The following CEP128 variants were observed in gnomAD, a reference collection of about 807,000 sequenced individuals.
CEP128 encodes the protein centrosomal protein 128kDa.
A neutral mutation model predicts 156.7 loss-of-function variants in CEP128; 132 were observed. The observed-to-expected ratio is 0.84, with a 90% CI of 0.73 to 0.97. The LOEUF (loss-of-function observed/expected upper bound fraction) is 0.97, where lower values mean the gene tolerates loss of function less well. Ranked by LOEUF, CEP128 falls within the 50% of genes least tolerant of loss-of-function variation. The pLI is 0.00. For synonymous variants in CEP128, 469 were observed against 448.9 expected (o/e 1.04, Z -0.57); for missense variants, 1,252 against 1,281.9 (o/e 0.98, Z 0.36).
intron 13 of CEP128, among the ~76,000 whole-genome samples, chr14:80,797,360 G>T (rs895077524): frequency 5.3e-5 from 8 of 152,186 alleles, no homozygotes; most frequent in Non-Finnish European, 8.8e-5. Flanking sequence ...GTATGTGAGT[G>T]TAAATGAACA....
At chr14:80,599,527 A>G (rs1892494379) in intron 19 of CEP128, among the ~76,000 whole-genome samples, 1 of 151,904 alleles carries the variant, frequency 6.6e-6, no homozygotes, top group Non-Finnish European at 1.5e-5. Context: ...CACCCGCCTT[A>G]GCCTCCCAAA....
At chr14:80,839,535 G>A (rs1566662984) in intron 10 of CEP128, among the ~76,000 whole-genome samples, 2 of 151,962 alleles carry the variant, frequency 1.3e-5, no homozygotes, top group East Asian at 1.9e-4. Context: ...ATACAAATGA[G>A]TTATATATAT....
At chr14:80,790,288 G>A (rs1442061204) in intron 14 of CEP128, among the ~76,000 whole-genome samples, 3 of 151,374 alleles carry the variant, frequency 2.0e-5, no homozygotes, top group African/African-American at 7.3e-5. Flanking sequence ...TATTAAAAAA[G>A]AATATGAAAA....
chr14:80,821,703 T>A (rs185067899), intron 13 of CEP128, among the ~76,000 whole-genome samples: 81 of 150,540 alleles, frequency 5.4e-4, no homozygotes, highest in Non-Finnish European at 8.9e-4. Flanking sequence ...AGAGATGAAG[T>A]CTTGCTCTTC....
rs182611977 is a variant in CEP128 at position 80,871,104 on chromosome 14, C to A, written c.646-8231G>T. Among the ~76,000 whole-genome samples the A allele has an allele frequency of 4.0e-5, 6 of 151,430 alleles. No individual in the cohort carries two copies. The East Asian group carries it at 1.2e-3, about 29-fold the overall frequency. ...GTAAAATCTTGGTAAAAGAAAATAG[C>A]CAGTGGAAAAAAAAATCAAGATATA... On this transcript the variant is annotated intron_variant, in intron 8 of 24. Transcript: ENST00000555265.
At chr14:80,616,584 T>C (rs1006641769) in intron 19 of CEP128, among the ~76,000 whole-genome samples, 19 of 152,170 alleles carry the variant, frequency 1.2e-4, no homozygotes, top group Non-Finnish European at 5.9e-5. Context: ...CTAGTCATGA[T>C]GAAGGATGTT....
intron 2 of CEP128, among the ~76,000 whole-genome samples, chr14:80,930,956 G>A (rs1209210753): frequency 6.6e-6 from 1 of 152,318 alleles, no homozygotes; most frequent in East Asian, 1.9e-4. Context: ...CTTTTGGCTA[G>A]CACTATAACT....
At chr14:80,825,932 C>G (rs1320249827) in intron 13 of CEP128, among the ~76,000 whole-genome samples, 1 of 151,748 alleles carries the variant, frequency 6.6e-6, no homozygotes, top group Non-Finnish European at 1.5e-5. Context: ...ATGGTGAAAC[C>G]CCGTCTCTAC....
At chr14:80,841,193 T>A (rs1886333274) in intron 9 of CEP128, among the ~76,000 whole-genome samples, 1 of 152,162 alleles carries the variant, frequency 6.6e-6, no homozygotes, top group African/African-American at 2.4e-5. Flanking sequence ...AGGGGAAAAT[T>A]ATACTTGGAA....
intron 19 of CEP128, among the ~76,000 whole-genome samples, chr14:80,613,338 T>C (rs1370624733): frequency 1.6e-5 from 2 of 126,606 alleles, no homozygotes; most frequent in Non-Finnish European, 3.2e-5. Context: ...AGTCTCGCTC[T>C]GTCGCCCAGG....
chr14:80,895,106 C>T (rs1473465571), intron 8 of CEP128, among the ~76,000 whole-genome samples: 1 of 151,906 alleles, frequency 6.6e-6, no homozygotes, highest in African/African-American at 2.4e-5. Flanking sequence ...AAGAAATGAA[C>T]ACTATATAGA....
At chr14:80,553,086 T>TC (rs1398277748) in intron 21 of CEP128, among the ~76,000 whole-genome samples, 4 of 151,822 alleles carry the variant, frequency 2.6e-5, no homozygotes, top group African/African-American at 7.3e-5. Context: ...TTTCTTTCTT[T>TC]TTTTTAATTA....
intron 20 of CEP128, 72 bp downstream of exon 20, chr14:80,580,302 A>C: frequency 1.0e-6 from 1 of 958,344 alleles, no homozygotes; most frequent in Non-Finnish European, 1.7e-6. Context: ...TGAATGTGAC[A>C]ATAATAAAGG....
At chr14:80,488,518 A>G (rs1887221985), downstream of CEP128, among the ~76,000 whole-genome samples, 1 of 151,272 alleles carries the variant, frequency 6.6e-6, no homozygotes, top group South Asian at 2.1e-4. Flanking sequence ...AAATAGGAAC[A>G]CTTTTACACT....
chr14:80,552,740 C>G (rs912184668), intron 21 of CEP128, among the ~76,000 whole-genome samples: 1 of 152,038 alleles, frequency 6.6e-6, no homozygotes, highest in Non-Finnish European at 1.5e-5. Flanking sequence ...TCTTTTGTCC[C>G]TTTTAAAAGC....
intron 19 of CEP128, among the ~76,000 whole-genome samples, chr14:80,656,982 G>A (rs1022525316): frequency 7.9e-5 from 12 of 152,234 alleles, no homozygotes; most frequent in South Asian, 2.1e-4. Context: ...CATGGTGGCC[G>A]GGCACGGTGA....
At chr14:80,483,325 C>T (rs1887093999) in intron 14 of CEP128, among the ~76,000 whole-genome samples, 1 of 152,204 alleles carries the variant, frequency 6.6e-6, no homozygotes, top group African/African-American at 2.4e-5. Context: ...CTTGCACAAA[C>T]ACAAAAGAAA....
At chr14:80,761,201 C>CTTT (rs1326192702) in intron 17 of CEP128, among the ~76,000 whole-genome samples, 1 of 138,012 alleles carries the variant, frequency 7.2e-6, no homozygotes. Flanking sequence ...TAAGATTTTT[C>CTTT]TTTTTTTTTT....
intron 19 of CEP128, among the ~76,000 whole-genome samples, chr14:80,626,496 G>C: frequency 8.6e-6 from 1 of 116,606 alleles, no homozygotes; most frequent in East Asian, 2.2e-4. Context: ...AAAAAAAAAA[G>C]AGTGAGACAG....
Sources: allele counts gnomAD v4.1 joint callset (sites outside exome capture counted in the v4.1 genomes callset), GRCh38; gene constraint gnomAD v4.1.1; transcripts MANE v1.5; gene names NCBI Gene and HGNC (gene_info 2026-07-23, HGNC 2026-07-21).